TEKT1: variants seen among roughly 807,000 people sequenced by gnomAD.
TEKT1 encodes tektin 1, also known as tektin-1.
A neutral mutation model predicts 34.8 loss-of-function variants in TEKT1; 32 were observed. The observed-to-expected ratio is 0.92, with a 90% confidence interval of 0.69 to 1.23. The LOEUF (loss-of-function observed/expected upper bound fraction) is 1.23. Among genes scored for constraint, TEKT1 ranks in the 50% most tolerant of loss-of-function variants. The pLI, the probability that TEKT1 is intolerant of heterozygous loss-of-function variation, is 0.00. For missense variants in TEKT1, 492 were observed against 518.5 expected (o/e 0.95, Z 0.50); for synonymous variants, 207 against 199.8 (o/e 1.04, Z -0.30).
chr17:6,821,272 T>A (rs1391485296), intron 2 of TEKT1, among the ~76,000 whole-genome samples: 1 of 152,170 alleles, frequency 6.6e-6, no homozygotes, highest in South Asian at 2.1e-4. Context: ...TGGGAGATAA[T>A]TGGATCATTG....
At position 6,815,072 on chromosome 17, in the gene TEKT1, C is replaced by T; in HGVS notation, c.629+91G>A. 3.3e-6 allele frequency: 5 copies of T among 1,504,404 alleles called. No individual in the cohort carries two copies. In the South Asian group the frequency reaches 6.6e-5, roughly 20 times the overall value. The allele number at this position is 1,504,404 out of a possible 1,614,324, so 93.2% of individuals were successfully genotyped here. A position where few individuals can be genotyped will look rare whatever the true frequency, so the allele number is the denominator to read the frequency against. On this transcript the variant is annotated intron_variant, in intron 5 of 7. Transcript: ENST00000338694. Reference sequence around the variant, plus strand: ...GCCCCAAGCCCACCACTTCCAAGCTCTCAGCCAGCTGCAAGGACGAGCCGC... The same window carrying T: ...GCCCCAAGCCCACCACTTCCAAGCTTTCAGCCAGCTGCAAGGACGAGCCGC...
chr17:6,812,855 G>A lies in TEKT1; in HGVS notation c.828C>T (p.Asp276=), dbSNP rs770882159. 11 of 1,613,810 alleles carry A rather than the reference G, an allele frequency of 6.8e-6. No homozygotes were observed. Among genetic ancestry groups the A allele is most frequent in the African/African-American group, 2.7e-5 (2 of 74,932 alleles). Residue 276 remains aspartate (D), a synonymous_variant, in exon 6 of 8, where the codon GAC becomes GAT. Coordinates refer to ENST00000338694, the MANE Select transcript of TEKT1 (RefSeq NM_053285.2). ...CCTTGGCCAGATGATCAGCCAGCTT[G>A]TCCCTGGCATCCTTTGTATCCTTCA... The part of the protein sequence containing the change: ...NGLKDTKDAR[D]KLADHLAKVM...
chr17:6,806,451 C>T (rs1032641371), intron 6 of TEKT1, among the ~76,000 whole-genome samples: 8 of 152,124 alleles, frequency 5.3e-5, no homozygotes, highest in Non-Finnish European at 1.2e-4. Context: ...TTAATTGGAG[C>T]ATTTAGCCCA....
chr17:6,810,146 T>G (rs77333946), intron 6 of TEKT1, among the ~76,000 whole-genome samples: 281 of 152,292 alleles, frequency 1.8e-3, no homozygotes, highest in Middle Eastern at 0.01. Flanking sequence ...CTCACCAGCA[T>G]TTGGGGGTGT....
intron 6 of TEKT1, among the ~76,000 whole-genome samples, chr17:6,803,719 C>G (rs1367677751): frequency 6.6e-6 from 1 of 151,970 alleles, no homozygotes; most frequent in Admixed American, 6.6e-5. Context: ...AATAGGGAAT[C>G]CTTTCCCCAT....
At position 6,800,831 on chromosome 17, in the gene TEKT1, T is replaced by C; in HGVS notation, c.965A>G (p.His322Arg). 1 of 1,614,184 alleles carries C rather than the reference T, an allele frequency of 6.2e-7. No homozygotes were observed. Among genetic ancestry groups the C allele is most frequent in the Non-Finnish European group, 8.5e-7 (1 of 1,180,030 alleles). The change falls in exon 7 of 8, where the codon CAC (histidine) becomes CGC (arginine). Residue 322 changes from histidine to arginine, a missense_variant. His to Arg is a conservative substitution (Grantham distance 29). Coordinates refer to ENST00000338694, the MANE Select transcript of TEKT1 (RefSeq NM_053285.2). The part of the protein sequence containing the change: ...VAHTRLETRT[H>R]RPNVELCRDV... ...ACGACACAGCTCCACGTTCGGCCGGTGTGTCCTGGTCTCCAAGCGCGTATG... is the reference window on the plus strand; with the variant it reads ...ACGACACAGCTCCACGTTCGGCCGGCGTGTCCTGGTCTCCAAGCGCGTATG...
At chr17:6,828,082 C>CTA (rs1253490332) in intron 2 of TEKT1, among the ~76,000 whole-genome samples, 12 of 152,014 alleles carry the variant, frequency 7.9e-5, no homozygotes, top group African/African-American at 2.9e-4. Context: ...GTAACCGGGA[C>CTA]TACAGATGCA....
chr17:6,800,283 C>A, intron 7 of TEKT1, 49 bp from the exon 8 acceptor site: 2 of 1,556,176 alleles, frequency 1.3e-6, no homozygotes, highest in Non-Finnish European at 1.7e-6. Context: ...CTATGCATTG[C>A]TTTTTCAAGG....
intron 5 of TEKT1, chr17:6,814,847 A>AAG: frequency 3.8e-5 from 8 of 211,330 alleles, no homozygotes; most frequent in East Asian, 1.2e-4. Flanking sequence ...CAAAAAAAAA[A>AAG]GGGGGGGGGA....
intron 5 of TEKT1, among the ~76,000 whole-genome samples, chr17:6,813,308 TC>T (rs1272849666): frequency 1.3e-5 from 2 of 151,938 alleles, no homozygotes; most frequent in Admixed American, 1.3e-4. Context: ...ACTTTTCTAA[TC>T]CCCATTTTAC....
intron 2 of TEKT1, among the ~76,000 whole-genome samples, chr17:6,825,690 T>A (rs1476943389): frequency 6.6e-6 from 1 of 152,244 alleles, no homozygotes; most frequent in Non-Finnish European, 1.5e-5. Flanking sequence ...ATTTGGTTTG[T>A]TTTACTTTAC....
intron 3 of TEKT1, among the ~76,000 whole-genome samples, chr17:6,817,825 A>C (rs946848490): frequency 1.3e-5 from 2 of 152,208 alleles, no homozygotes; most frequent in Non-Finnish European, 2.9e-5. Context: ...GAGCTATAAA[A>C]GCATAAGCTA....
At chr17:6,822,612 C>G (rs2151590433) in intron 2 of TEKT1, among the ~76,000 whole-genome samples, 1 of 152,250 alleles carries the variant, frequency 6.6e-6, no homozygotes, top group East Asian at 1.9e-4. Flanking sequence ...TTCTTAATTT[C>G]TAAGAACGCT....
At chr17:6,800,613 C>A in intron 7 of TEKT1, 134 bp downstream of exon 7, 2 of 1,143,912 alleles carry the variant, frequency 1.7e-6, no homozygotes, top group Non-Finnish European at 2.4e-6. Context: ...GGAGACTTCC[C>A]TCTAGGGGGC....
intron 7 of TEKT1, among the ~76,000 whole-genome samples, chr17:6,800,506 T>C (rs78980938): frequency 0.088 from 13,342 of 152,290 alleles, 692 homozygotes; most frequent in Middle Eastern, 0.19. Context: ...TGTTTAAAAC[T>C]GCAGATTTGA....
intron 2 of TEKT1, among the ~76,000 whole-genome samples, chr17:6,828,260 CACCT>C (rs1904467827): frequency 6.6e-6 from 1 of 152,102 alleles, no homozygotes; most frequent in Non-Finnish European, 1.5e-5. Flanking sequence ...TCATTTTTAA[CACCT>C]ACCTATTTGC....
At chr17:6,812,157 C>T (rs1976937354) in intron 6 of TEKT1, among the ~76,000 whole-genome samples, 1 of 152,086 alleles carries the variant, frequency 6.6e-6, no homozygotes, top group Non-Finnish European at 1.5e-5. Context: ...TTTCTGTCTC[C>T]TGCTGCCTTG....
intron 2 of TEKT1, among the ~76,000 whole-genome samples, chr17:6,823,877 C>T (rs915463593): frequency 7.9e-5 from 11 of 139,284 alleles, no homozygotes; most frequent in African/African-American, 2.7e-4. Flanking sequence ...GGCCGGACTG[C>T]AGTGGCGCTA....
rs566905606 is a variant in TEKT1 at position 6,810,303 on chromosome 17, C to T, written c.852+2528G>A. On this transcript the variant is annotated intron_variant, in intron 6 of 7. Transcript: ENST00000338694. ...GAGGTGTCTGTTTAGAGCTTTTGTT[C>T]ATTTTTGTAGTTGGTCTGTTTTCCC... Among the ~76,000 whole-genome samples, 5 of 152,252 alleles carry T rather than the reference C, an allele frequency of 3.3e-5. No individual in the cohort carries two copies. The South Asian group carries it at 1.0e-3, about 32-fold the overall frequency.
Sources: allele counts gnomAD v4.1 joint callset (sites outside exome capture counted in the v4.1 genomes callset), GRCh38; gene constraint gnomAD v4.1.1; transcripts MANE v1.5; gene names NCBI Gene and HGNC (gene_info 2026-07-23, HGNC 2026-07-21).